Variants in TSHZ3 observed in about 807,000 individuals in gnomAD.
TSHZ3 encodes the protein teashirt homolog 3.
TSHZ3 carries 10 observed loss-of-function variants against 64.5 expected under a neutral mutation model. The ratio of observed to expected loss-of-function variants is 0.16; its 90% CI spans 0.10 to 0.26. The LOEUF is 0.26. Among genes scored for constraint, TSHZ3 ranks in the 10% least tolerant of loss-of-function variants. The pLI is 1.00. For missense variants in TSHZ3, 1,242 were observed against 1,421.7 expected (o/e 0.87, Z 2.03); for synonymous variants, 608 against 593.1 (o/e 1.03, Z -0.36).
Position 31,279,641 on chromosome 19 carries a change from T to C in TSHZ3, c.152A>G (p.Glu51Gly). The C allele has an allele frequency of 1.2e-6, 2 of 1,610,548 alleles. No homozygotes were observed. The highest frequency in any genetic ancestry group is 1.7e-6 in the Non-Finnish European group (2 of 1,178,144). Residue 51 changes from glutamate (E) to glycine (G), a missense_variant, in exon 2 of 2, where the codon GAG becomes GGG. Glu to Gly is a moderately conservative substitution (Grantham distance 98, BLOSUM62 -2). Transcript: ENST00000240587. The surrounding 1 kb of genome is among the most constrained non-coding windows in gnomAD (Gnocchi z 6.4). ...PSAKYMCPEK[E>G]LARACPSYQN... ...GTAGCTGGGGCAGGCCCTGGCGAGC[T>C]CCTTCTCCGGGCACATGTACTTGGC...
chr19:31,246,915 T>C (rs1339630018), intron 1 of TSHZ3, among the ~76,000 whole-genome samples: 1 of 151,992 alleles, frequency 6.6e-6, no homozygotes, highest in African/African-American at 2.4e-5. Context: ...AGAAGCCAAT[T>C]TGCAGAGACT....
At chr19:31,153,957 G>A (rs1974271303) in intron 6 of TSHZ3, among the ~76,000 whole-genome samples, 2 of 152,210 alleles carry the variant, frequency 1.3e-5, no homozygotes, top group Admixed American at 1.3e-4. Flanking sequence ...ATTAAAGGGT[G>A]GAGCAAATTT....
exon 7 of TSHZ3, among the ~76,000 whole-genome samples, chr19:31,150,978 G>A (rs1006150652): frequency 2.6e-5 from 4 of 152,144 alleles, no homozygotes; most frequent in Admixed American, 2.0e-4. Context: ...TATTCTTCTT[G>A]GCTTCTGAAG....
At chr19:31,316,916 C>T (rs1214894201) in intron 1 of TSHZ3, among the ~76,000 whole-genome samples, 1 of 152,100 alleles carries the variant, frequency 6.6e-6, no homozygotes, top group Non-Finnish European at 1.5e-5. Flanking sequence ...TATGCTCCGG[C>T]CAAATATTCT....
At chr19:31,311,505 C>G (rs1916458980) in intron 1 of TSHZ3, among the ~76,000 whole-genome samples, 1 of 152,138 alleles carries the variant, frequency 6.6e-6, no homozygotes, top group Non-Finnish European at 1.5e-5. Context: ...GGGAAGGAGA[C>G]GTCTTGGTCC....
In TSHZ3 at chr19:31,314,084, T is replaced by C. The variant is rs73551373; in HGVS notation, c.41-34332A>G. Among the ~76,000 whole-genome samples the C allele has an allele frequency of 3.0e-3, 462 of 152,308 alleles. 6 individuals carry two copies. The highest frequency in any genetic ancestry group is 0.011 in the African/African-American group (444 of 41,584). On this transcript the variant is annotated intron_variant, in intron 1 of 1. Transcript: ENST00000240587. ...TCGAGTGGCTGTTGGGCTCACCGGA[T>C]GCAATTGGAAGATGCTTGGTGGATG...
intron 1 of TSHZ3, among the ~76,000 whole-genome samples, chr19:31,267,509 G>A (rs1467143687): frequency 6.6e-6 from 1 of 152,010 alleles, no homozygotes; most frequent in African/African-American, 2.4e-5. Flanking sequence ...TCAGGCCCAA[G>A]CACAAGGCAC....
downstream of TSHZ3, among the ~76,000 whole-genome samples, chr19:31,274,669 C>T (rs970280679): frequency 3.3e-5 from 5 of 152,030 alleles, no homozygotes; most frequent in Non-Finnish European, 5.9e-5. Flanking sequence ...AATATCCCTT[C>T]TGCACTGAGC....
chr19:31,206,097 ATGGATGGATGG>A (rs1975166160), intron 4 of TSHZ3, among the ~76,000 whole-genome samples: 1 of 151,324 alleles, frequency 6.6e-6, no homozygotes, highest in Non-Finnish European at 1.5e-5. Context: ...GGATGGATGG[ATGGATGGATGG>A]ATGGATGGAT....
At chr19:31,188,868 T>C (rs995965104) in intron 5 of TSHZ3, among the ~76,000 whole-genome samples, 4 of 151,964 alleles carry the variant, frequency 2.6e-5, no homozygotes, top group African/African-American at 9.6e-5. Flanking sequence ...AAAATTCGTA[T>C]TTTTTGAAAT....
intron 1 of TSHZ3, among the ~76,000 whole-genome samples, chr19:31,326,457 A>G (rs926912811): frequency 6.6e-6 from 1 of 152,264 alleles, no homozygotes; most frequent in East Asian, 1.9e-4. Context: ...TCTGTAGAGC[A>G]GCCCTGCATG....
chr19:31,163,805 A>G (rs75212832), intron 5 of TSHZ3, among the ~76,000 whole-genome samples: 4,024 of 152,242 alleles, frequency 0.026, 156 homozygotes, highest in African/African-American at 0.088. Flanking sequence ...GCTGGGGCAC[A>G]CAGCTCAGAG....
At chr19:31,218,984 AG>A (rs1404575334) in intron 4 of TSHZ3, among the ~76,000 whole-genome samples, 1 of 152,202 alleles carries the variant, frequency 6.6e-6, no homozygotes, top group Non-Finnish European at 1.5e-5. Context: ...TGTGACTGTC[AG>A]GAGGTTCTTA....
intron 5 of TSHZ3, among the ~76,000 whole-genome samples, chr19:31,186,645 A>G (rs1485560231): frequency 1.3e-5 from 2 of 152,196 alleles, no homozygotes; most frequent in African/African-American, 4.8e-5. Flanking sequence ...CTGTTTTTCA[A>G]TTTGGTTTCA....
At chr19:31,244,534 G>A (rs761401278) in intron 1 of TSHZ3, among the ~76,000 whole-genome samples, 1 of 152,168 alleles carries the variant, frequency 6.6e-6, no homozygotes, top group African/African-American at 2.4e-5. Context: ...GTGAGGGAAC[G>A]GACTACTATA....
intron 1 of TSHZ3, among the ~76,000 whole-genome samples, chr19:31,258,859 T>C (rs572180551): frequency 6.6e-6 from 1 of 152,334 alleles, no homozygotes; most frequent in South Asian, 2.1e-4. Flanking sequence ...TGCTGTTCAG[T>C]GGCCCATCGG....
intron 5 of TSHZ3, chr19:31,195,500 C>T (rs532191432): frequency 6.6e-6 from 1 of 152,072 alleles, no homozygotes; most frequent in Non-Finnish European, 1.5e-5. Context: ...TGCAAAATTG[C>T]TTTTCAAAAG....
At chr19:31,340,325 C>A (rs1917390394) in intron 1 of TSHZ3, among the ~76,000 whole-genome samples, 1 of 101,792 alleles carries the variant, frequency 9.8e-6, no homozygotes, top group Non-Finnish European at 1.8e-5. Context: ...TAATTAGCAA[C>A]AGGCCTACAG....
chr19:31,216,308 G>T (rs1975328429), intron 4 of TSHZ3, among the ~76,000 whole-genome samples: 1 of 152,180 alleles, frequency 6.6e-6, no homozygotes, highest in African/African-American at 2.4e-5. Flanking sequence ...ACCCCTATCA[G>T]CAAGGCTCCT....
Sources: allele counts gnomAD v4.1 joint callset (sites outside exome capture counted in the v4.1 genomes callset), GRCh38; gene constraint gnomAD v4.1.1; non-coding constraint Gnocchi (gnomAD v3.1); transcripts MANE v1.5; gene names NCBI Gene and HGNC (gene_info 2026-07-23, HGNC 2026-07-21).